The following LRP2BP variants were observed in gnomAD, a reference collection of about 807,000 sequenced individuals.
LRP2BP encodes the protein LRP2 binding protein.
In LRP2BP, 38 loss-of-function variants were observed where a neutral mutation model predicts 45.2. The ratio of observed to expected loss-of-function variants is 0.84; its 90% confidence interval spans 0.65 to 1.10. The LOEUF (loss-of-function observed/expected upper bound fraction) is 1.10. LRP2BP is among the 50% of genes least tolerant of loss of function. The pLI, the probability that LRP2BP is intolerant of heterozygous loss-of-function variation, is 0.00. For synonymous variants in LRP2BP, 153 were observed against 153.9 expected, an observed-to-expected ratio of 0.99 and a Z score of 0.04; for missense variants, 385 against 418.9, an observed-to-expected ratio of 0.92 and a Z score of 0.71.
chr4:185,391,600 T>C (rs948595110), intron 1 of LRP2BP, among the ~76,000 whole-genome samples: 8 of 152,212 alleles, frequency 5.3e-5, no homozygotes, highest in African/African-American at 1.7e-4. Flanking sequence ...TTAGTTCCAG[T>C]TTTGGCCATT....
At chr4:185,371,693 G>A (rs1161067940) in intron 7 of LRP2BP, among the ~76,000 whole-genome samples, 4 of 152,110 alleles carry the variant, frequency 2.6e-5, no homozygotes, top group African/African-American at 4.8e-5. Flanking sequence ...AAGGGAAAGC[G>A]CCGAAGATTT....
In LRP2BP at chr4:185,366,348, C is replaced by G. The variant is rs1381549752; in HGVS notation, c.*832G>C. 1 of 152,164 alleles carries G rather than the reference C, an allele frequency of 6.6e-6. No individual in the cohort carries two copies. Among genetic ancestry groups the G allele is most frequent in the East Asian group, 1.9e-4 (1 of 5,200 alleles). 9.4% of individuals were successfully genotyped at this position (152,164 alleles called of 1,614,324 possible). The stretch of plus-strand genomic sequence containing the variant: ...GAAAATGAGCTGAAGCACAAAGAAA[C>G]AATTTGCTTTACTTTTCTTACGAAT... On this transcript the variant is annotated 3_prime_UTR_variant, in exon 9 of 9. Coordinates refer to ENST00000505916, the MANE Select transcript of LRP2BP (RefSeq NM_001377440.1).
At chr4:185,380,855 C>T (rs2095454121) in intron 1 of LRP2BP, among the ~76,000 whole-genome samples, 1 of 151,996 alleles carries the variant, frequency 6.6e-6, no homozygotes, top group African/African-American at 2.4e-5. Context: ...CTCTGACACA[C>T]TCTGGGTAAT....
At chr4:185,394,748 C>G in intron 1 of LRP2BP, 31 bp downstream of exon 1, 2 of 985,344 alleles carry the variant, frequency 2.0e-6, no homozygotes, top group Non-Finnish European at 2.4e-6. Context: ...AAGATTCAGC[C>G]CACACATCTC....
In LRP2BP at chr4:185,372,930, G is replaced by A; in HGVS notation, c.729C>T (p.Val243=). The A allele has an allele frequency of 6.2e-7, 1 of 1,613,852 alleles. No homozygotes were observed. Among genetic ancestry groups the A allele is most frequent in the Non-Finnish European group, 8.5e-7 (1 of 1,179,776 alleles). The change falls in exon 7 of 9, where the codon GTC becomes GTT. Residue 243 remains valine, a synonymous_variant. Transcript: ENST00000505916. ...CLREAAERGN[V]YAQGNLVEYY... is the part of the protein sequence containing the mutation. The stretch of plus-strand genomic sequence containing the variant: ...ACTCCACGAGATTCCCTTGAGCATA[G>A]ACGTTTCCGCGTTCTGCTGCTTCTC...
chr4:185,394,310 C>T (rs961563030), intron 1 of LRP2BP, among the ~76,000 whole-genome samples: 4 of 48,836 alleles, frequency 8.2e-5, no homozygotes, highest in Admixed American at 2.7e-4. Flanking sequence ...ATTAAAGAAA[C>T]CAATCTTAGC....
chr4:185,395,999 G>A (rs964118789), upstream of LRP2BP: 5 of 750,590 alleles, frequency 6.7e-6, no homozygotes, highest in Non-Finnish European at 8.1e-6. Context: ...ACGCACGCCC[G>A]ACAGCACCCG....
upstream of LRP2BP, chr4:185,396,704 G>T (rs1437113093): frequency 6.9e-5 from 40 of 576,174 alleles, no homozygotes; most frequent in Non-Finnish European, 1.1e-4. Flanking sequence ...GTGTACGTGC[G>T]GCCGTGGCGG....
intron 1 of LRP2BP, among the ~76,000 whole-genome samples, chr4:185,391,682 A>G (rs2095488788): frequency 6.6e-6 from 1 of 152,166 alleles, no homozygotes; most frequent in Admixed American, 6.6e-5. Flanking sequence ...AACAAGTACC[A>G]GTACCTTGTT....
At position 185,371,499 on chromosome 4, in the gene LRP2BP, A is replaced by G. The variant is rs571255510; in HGVS notation, c.804-685T>C. Among the ~76,000 whole-genome samples, 450 of 144,176 alleles carry G rather than the reference A, an allele frequency of 3.1e-3. 1 individual carries two copies. Among genetic ancestry groups the G allele is most frequent in the African/African-American group, 9.4e-3 (368 of 39,048 alleles). 94.6% of individuals were successfully genotyped at this position (144,176 alleles called of 152,430 possible). ...AGAGCTTGCAGTGAGCCGAGATCGC[A>G]CCACTGCACTCCAGCCTGGGCAACA... On this transcript the variant is annotated intron_variant, in intron 7 of 8. Coordinates refer to ENST00000505916, the MANE Select transcript of LRP2BP (RefSeq NM_001377440.1).
rs1283972925 is a variant in LRP2BP at position 185,395,835 on chromosome 4, G to C, written c.-1078C>G. The stretch of plus-strand genomic sequence containing the variant: ...AGCTTTCAAAGGCATCAACAGAAGG[G>C]AATCACTAAAAATGTAGGGGAAAAG... On this transcript the variant is annotated 5_prime_UTR_variant, in exon 1 of 9. Coordinates refer to ENST00000505916, the MANE Select transcript of LRP2BP (RefSeq NM_001377440.1). The C allele has an allele frequency of 4.1e-6, 4 of 985,262 alleles. No homozygotes were observed. Among genetic ancestry groups the C allele is most frequent in the Non-Finnish European group, 4.8e-6 (4 of 829,916 alleles). 61.0% of individuals were successfully genotyped at this position (985,262 alleles called of 1,614,324 possible). A position where few individuals can be genotyped will look rare whatever the true frequency, so the allele number is the denominator to read the frequency against.
chr4:185,369,045 C>T (rs981201711), intron 8 of LRP2BP, among the ~76,000 whole-genome samples: 3 of 152,010 alleles, frequency 2.0e-5, no homozygotes, highest in East Asian at 1.9e-4. Flanking sequence ...CCTCCCACCT[C>T]GGCCTCCCAA....
rs558057171 is a variant in LRP2BP at position 185,368,090 on chromosome 4, A to C, written c.979-845T>G. On this transcript the variant is annotated intron_variant, in intron 8 of 8. Transcript: ENST00000505916. ...CTACTCGGGAGGCTGAGCCAGGAGA[A>C]TGGCGTGAACCTGGGAGGCGGAGCT... 2.6e-5 allele frequency among the ~76,000 whole-genome samples: 4 copies of C among 152,262 alleles called. No individual in the cohort carries two copies. In the South Asian group the frequency reaches 8.3e-4, roughly 32 times the overall value.
intron 1 of LRP2BP, among the ~76,000 whole-genome samples, chr4:185,385,782 T>C (rs1453851251): frequency 6.6e-6 from 1 of 151,862 alleles, no homozygotes; most frequent in African/African-American, 2.4e-5. Flanking sequence ...GCGCCTGTAA[T>C]CCCAGCTACT....
chr4:185,394,216 G>A (rs2095495797), intron 1 of LRP2BP, among the ~76,000 whole-genome samples: 1 of 144,720 alleles, frequency 6.9e-6, no homozygotes, highest in South Asian at 2.2e-4. Flanking sequence ...CTGAGATCAC[G>A]CCACTGCATT....
At chr4:185,379,726 G>T (rs1023048913) in intron 1 of LRP2BP, among the ~76,000 whole-genome samples, 2 of 152,216 alleles carry the variant, frequency 1.3e-5, no homozygotes, top group Non-Finnish European at 2.9e-5. Context: ...AAGGGACAGT[G>T]GGGAAGTTAA....
chr4:185,375,338 C>A (rs1203190511), intron 4 of LRP2BP, among the ~76,000 whole-genome samples: 2 of 148,358 alleles, frequency 1.3e-5, no homozygotes, highest in East Asian at 4.1e-4. Flanking sequence ...TGCCTGTAAT[C>A]CCAGCTACTG....
chr4:185,391,538 G>C (rs1197806279), intron 1 of LRP2BP, among the ~76,000 whole-genome samples: 2 of 152,140 alleles, frequency 1.3e-5, no homozygotes, highest in African/African-American at 4.8e-5. Flanking sequence ...GTTTATATCA[G>C]TATAGACTCA....
chr4:185,378,061 T>G lies in LRP2BP; in HGVS notation c.106+20A>C, dbSNP rs1010449027. On this transcript the variant is annotated intron_variant, in intron 2 of 8. Coordinates refer to ENST00000505916, the MANE Select transcript of LRP2BP (RefSeq NM_001377440.1). ...TGTTAAAGTGTTTTCCAAGGGAAGC[T>G]TAAATATCAGGATTTGTACCAGTCT... is the stretch of plus-strand genomic sequence containing the variant. 1.3e-6 allele frequency: 2 copies of G among 1,588,906 alleles called. No individual in the cohort carries two copies. Among genetic ancestry groups the G allele is most frequent in the African/African-American group, 2.7e-5 (2 of 73,930 alleles).
Sources: allele counts gnomAD v4.1 joint callset (sites outside exome capture counted in the v4.1 genomes callset), GRCh38; gene constraint gnomAD v4.1.1; transcripts MANE v1.5; gene names NCBI Gene and HGNC (gene_info 2026-07-23, HGNC 2026-07-21).